Variants in DNAJC22 observed in about 807,000 individuals in gnomAD.
DNAJC22 encodes DnaJ heat shock protein family (Hsp40) member C22, also known as dnaJ homolog subfamily C member 22.
Under a neutral mutation model 22.2 loss-of-function variants are expected in DNAJC22, and 24 were observed. The ratio of observed to expected loss-of-function variants is 1.08; its 90% CI spans 0.78 to 1.52. The LOEUF (loss-of-function observed/expected upper bound fraction) is 1.52. Among genes scored for constraint, DNAJC22 ranks in the 40% most tolerant of loss-of-function variants. The pLI is 0.00. For missense variants in DNAJC22, 434 were observed against 421.7 expected, an observed-to-expected ratio of 1.03 and a Z score of -0.26; for synonymous variants, 160 against 167.4, an observed-to-expected ratio of 0.96 and a Z score of 0.34.
At position 49,349,034 on chromosome 12, in the gene DNAJC22, C is replaced by A; in HGVS notation, c.162C>A (p.Ser54Arg). The A allele has an allele frequency of 6.2e-7, 1 of 1,603,334 alleles. No individual in the cohort carries two copies. Among genetic ancestry groups the A allele is most frequent in the Non-Finnish European group, 8.5e-7 (1 of 1,175,074 alleles). The change falls in exon 3 of 4, where the codon AGC becomes AGA. Residue 54 changes from serine (S) to arginine (R), a missense_variant. By Grantham distance (110) the Ser-to-Arg change is moderately radical. Coordinates refer to ENST00000549441, the MANE Select transcript of DNAJC22 (RefSeq NM_001304944.2). ...GWLWEFWKLP[S>R]FVAQANRAQG... ...TCTGGGAGTTCTGGAAGCTCCCAAGCTTTGTAGCTCAGGCCAACAGAGCCC... is the reference window on the plus strand; with the variant it reads ...TCTGGGAGTTCTGGAAGCTCCCAAGATTTGTAGCTCAGGCCAACAGAGCCC...
rs1943737535 is a variant in DNAJC22 at position 49,349,047 on chromosome 12, G to A, written c.175G>A (p.Ala59Thr). 1 of 1,610,434 alleles carries A rather than the reference G, an allele frequency of 6.2e-7. No homozygotes were observed. Among genetic ancestry groups the A allele is most frequent in the East Asian group, 2.2e-5 (1 of 44,870 alleles). ...FWKLPSFVAQ[A>T]NRAQGQRQSP... ...GAAGCTCCCAAGCTTTGTAGCTCAGGCCAACAGAGCCCAGGGACAGAGGCA... is the reference window on the plus strand; with the variant it reads ...GAAGCTCCCAAGCTTTGTAGCTCAGACCAACAGAGCCCAGGGACAGAGGCA... The change falls in exon 3 of 4, where the codon GCC becomes ACC. Residue 59 changes from alanine to threonine, a missense_variant. Ala to Thr is a moderately conservative substitution (Grantham distance 58). Transcript: ENST00000549441.
rs138393075 is a variant in DNAJC22, at chr12:49,349,108, T to C, written c.236T>C (p.Ile79Thr). 4 of 1,614,144 alleles carry C rather than the reference T, an allele frequency of 2.5e-6. No individual in the cohort carries two copies. In the African/African-American group the frequency reaches 5.3e-5, roughly 22 times the overall value. ...GGGGTGACACCCCCTCTGAGTCCCA[T>C]TCGCTTTGCTGCCCAGGTGATAGTT... The part of the protein sequence containing the change: ...PRGVTPPLSP[I>T]RFAAQVIVGI... Residue 79 changes from isoleucine to threonine, a missense_variant, in exon 3 of 4, where the codon ATT becomes ACT. Transcript: ENST00000549441.
At chr12:49,350,208 C>T (rs1407240859) in intron 3 of DNAJC22, among the ~76,000 whole-genome samples, 3 of 151,886 alleles carry the variant, frequency 2.0e-5, no homozygotes, top group Non-Finnish European at 4.4e-5. Context: ...TCCCGAGTAG[C>T]TGGGACTACA....
chr12:49,348,815 C>T lies in DNAJC22; in HGVS notation c.-58C>T. The T allele has an allele frequency of 6.9e-7, 1 of 1,449,602 alleles. No individual in the cohort carries two copies. The highest frequency in any genetic ancestry group is 9.1e-7 in the Non-Finnish European group (1 of 1,100,658). 89.8% of individuals were successfully genotyped at this position (1,449,602 alleles called of 1,614,324 possible). On this transcript the variant is annotated 5_prime_UTR_variant, in exon 3 of 4. Coordinates refer to ENST00000549441, the MANE Select transcript of DNAJC22 (RefSeq NM_001304944.2). ...TGACAGCCATGAGTCTCACAGAGGA[C>T]CCCGAGACTTCTGTGCTGCGAGTAA... is the stretch of plus-strand genomic sequence containing the variant.
At position 49,349,025 on chromosome 12, in the gene DNAJC22, G is replaced by A. The variant is rs143506454; in HGVS notation, c.153G>A (p.Lys51=). 2.2e-3 allele frequency: 3,544 copies of A among 1,593,056 alleles called. 6 individuals are homozygous for A. Among genetic ancestry groups the A allele is most frequent in the Non-Finnish European group, 2.6e-3 (3,099 of 1,170,088 alleles). Residue 51 remains lysine (K), a synonymous_variant, in exon 3 of 4, where the codon AAG becomes AAA. Coordinates refer to ENST00000549441, the MANE Select transcript of DNAJC22 (RefSeq NM_001304944.2). ...GGLGWLWEFW[K]LPSFVAQANR... is the part of the protein sequence containing the mutation. Reference sequence around the variant, plus strand: ...TGGGCTGGCTCTGGGAGTTCTGGAAGCTCCCAAGCTTTGTAGCTCAGGCCA... The same window carrying A: ...TGGGCTGGCTCTGGGAGTTCTGGAAACTCCCAAGCTTTGTAGCTCAGGCCA...
rs1943792508 is a variant in DNAJC22 at position 49,352,106 on chromosome 12, A to G, written c.*604A>G. The G allele has an allele frequency of 6.6e-6, 1 of 152,238 alleles. No individual in the cohort carries two copies. The highest frequency in any genetic ancestry group is 2.1e-4 in the South Asian group (1 of 4,836). 9.4% of individuals were successfully genotyped at this position (152,238 alleles called of 1,614,324 possible). ...CTTTTAGAGTATGGACAACTATTAT[A>G]TATCAATAAAAAATTAATTAGAAAA... is the stretch of plus-strand genomic sequence containing the variant. On this transcript the variant is annotated 3_prime_UTR_variant, in exon 4 of 4. Transcript: ENST00000549441.
At chr12:49,348,364 A>G (rs1318587117) in intron 2 of DNAJC22, among the ~76,000 whole-genome samples, 2 of 152,220 alleles carry the variant, frequency 1.3e-5, no homozygotes, top group South Asian at 2.1e-4. Flanking sequence ...GGAAAATCTC[A>G]TGGCCTGGAG....
chr12:49,352,030 A>T lies in DNAJC22; in HGVS notation c.*528A>T, dbSNP rs1943791672. The T allele has an allele frequency of 6.6e-6, 1 of 152,172 alleles. No individual in the cohort carries two copies. Among genetic ancestry groups the T allele is most frequent in the East Asian group, 1.9e-4 (1 of 5,204 alleles). The allele number at this position is 152,172 out of a possible 1,614,324, so 9.4% of individuals were successfully genotyped here. Reference sequence around the variant, plus strand: ...ATTCTTGGCTATTGCATTCTTGACAATTTTTCTTAAAACCAGAGAGTGAAA... The same window carrying T: ...ATTCTTGGCTATTGCATTCTTGACATTTTTTCTTAAAACCAGAGAGTGAAA... On this transcript the variant is annotated 3_prime_UTR_variant, in exon 4 of 4. Transcript: ENST00000549441.
intron 2 of DNAJC22, among the ~76,000 whole-genome samples, chr12:49,348,522 C>A (rs1943728802): frequency 6.6e-6 from 1 of 152,042 alleles, no homozygotes; most frequent in Admixed American, 6.5e-5. Context: ...CTCCACACAT[C>A]CCCCCATGAG....
rs548640335 is a variant in DNAJC22, at chr12:49,348,818, C to G, written c.-55C>G. 1.1e-4 allele frequency: 156 copies of G among 1,448,908 alleles called. No individual in the cohort carries two copies. The highest frequency in any genetic ancestry group is 1.4e-4 in the Non-Finnish European group (149 of 1,100,382). 89.8% of individuals were successfully genotyped at this position (1,448,908 alleles called of 1,614,324 possible). Reference sequence around the variant, plus strand: ...CAGCCATGAGTCTCACAGAGGACCCCGAGACTTCTGTGCTGCGAGTAACCG... The same window carrying G: ...CAGCCATGAGTCTCACAGAGGACCCGGAGACTTCTGTGCTGCGAGTAACCG... On this transcript the variant is annotated 5_prime_UTR_variant, in exon 3 of 4. Transcript: ENST00000549441.
At chr12:49,351,162 G>A (rs1943779216) in intron 3 of DNAJC22, 155 bp from the exon 4 acceptor site, 4 of 1,436,096 alleles carry the variant, frequency 2.8e-6, no homozygotes, top group Middle Eastern at 2.6e-4. Context: ...ACTCTATAAG[G>A]CTGGAATTCT....
intron 3 of DNAJC22, among the ~76,000 whole-genome samples, chr12:49,350,103 G>A (rs1346821723): frequency 1.3e-5 from 2 of 150,160 alleles, no homozygotes; most frequent in Non-Finnish European, 3.0e-5. Flanking sequence ...TTGAGATGGA[G>A]TCTCGCTGTG....
chr12:49,349,752 TG>T, intron 3 of DNAJC22, 40 bp downstream of exon 3: 1 of 1,612,150 alleles, frequency 6.2e-7, no homozygotes, highest in Non-Finnish European at 8.5e-7. Context: ...GTGGCTCTGG[TG>T]GCCCTCATGT....
In DNAJC22 at chr12:49,348,094, C is replaced by G. The variant is rs1943722653; in HGVS notation, c.-119C>G. On this transcript the variant is annotated 5_prime_UTR_variant, in exon 2 of 4. Transcript: ENST00000549441. ...TGACTGGTCTGACTCGGTCTGGGAG[C>G]GGGGCACCCAGGTATGGCCACTTGA... is the stretch of plus-strand genomic sequence containing the variant. 1 of 152,286 alleles carries G rather than the reference C, an allele frequency of 6.6e-6. No homozygotes were observed. The highest frequency in any genetic ancestry group is 1.5e-5 in the Non-Finnish European group (1 of 68,100). 9.4% of individuals were successfully genotyped at this position (152,286 alleles called of 1,614,324 possible).
rs1014142435 is a variant in DNAJC22, at chr12:49,349,408, G to T, written c.536G>T (p.Ser179Ile). The change falls in exon 3 of 4, where the codon AGT (serine) becomes ATT (isoleucine). Residue 179 changes from serine to isoleucine, a missense_variant. Ser to Ile is a moderately radical substitution (Grantham distance 142). Coordinates refer to ENST00000549441, the MANE Select transcript of DNAJC22 (RefSeq NM_001304944.2). ...YKALVASEPL[S>I]VRLYRLGLAY... ...GCTTTGGTGGCATCAGAGCCGCTCA[G>T]TGTGCGGCTCTATCGTCTGGGCTTG... 6.2e-7 allele frequency: 1 copy of T among 1,611,516 alleles called. No individual in the cohort carries two copies. Among genetic ancestry groups the T allele is most frequent in the Non-Finnish European group, 8.5e-7 (1 of 1,179,074 alleles).
At position 49,352,114 on chromosome 12, in the gene DNAJC22, A is replaced by T. The variant is rs568792423; in HGVS notation, c.*612A>T. The T allele has an allele frequency of 1.2e-4, 19 of 152,344 alleles. No homozygotes were observed. Among genetic ancestry groups the T allele is most frequent in the African/African-American group, 3.6e-4 (15 of 41,590 alleles). The allele number at this position is 152,344 out of a possible 1,614,324, so 9.4% of individuals were successfully genotyped here. ...GTATGGACAACTATTATATATCAATAAAAAATTAATTAGAAAAAATATATC... is the reference window on the plus strand; with the variant it reads ...GTATGGACAACTATTATATATCAATTAAAAATTAATTAGAAAAAATATATC... On this transcript the variant is annotated 3_prime_UTR_variant, in exon 4 of 4. Coordinates refer to ENST00000549441, the MANE Select transcript of DNAJC22 (RefSeq NM_001304944.2).
Position 49,351,574 on chromosome 12 carries a change from C to A in DNAJC22, c.*72C>A. ...AACTTGTCCCAAATCTAGCTTTGCC[C>A]ACGAATGGCATCCCAACAGAGTTAA... is the stretch of plus-strand genomic sequence containing the variant. On this transcript the variant is annotated 3_prime_UTR_variant, in exon 4 of 4. Coordinates refer to ENST00000549441, the MANE Select transcript of DNAJC22 (RefSeq NM_001304944.2). 6.9e-7 allele frequency: 1 copy of A among 1,446,486 alleles called. No homozygotes were observed. Among genetic ancestry groups the A allele is most frequent in the East Asian group, 2.6e-5 (1 of 38,630 alleles). The allele number at this position is 1,446,486 out of a possible 1,614,324, so 89.6% of individuals were successfully genotyped here.
intron 3 of DNAJC22, among the ~76,000 whole-genome samples, chr12:49,350,072 C>A (rs1311848253): frequency 6.7e-6 from 1 of 149,154 alleles, no homozygotes; most frequent in African/African-American, 2.6e-5. Context: ...TTTGCTCATT[C>A]TTCTTCTTCT....
Position 49,349,105 on chromosome 12 carries a change from C to T in DNAJC22, c.233C>T (p.Pro78Leu). 1 of 1,614,168 alleles carries T rather than the reference C, an allele frequency of 6.2e-7. No individual in the cohort carries two copies. Among genetic ancestry groups the T allele is most frequent in the Non-Finnish European group, 8.5e-7 (1 of 1,180,034 alleles). ...SPRGVTPPLS[P>L]IRFAAQVIVG... ...AGAGGGGTGACACCCCCTCTGAGTC[C>T]CATTCGCTTTGCTGCCCAGGTGATA... The change falls in exon 3 of 4, where the codon CCC becomes CTC. Residue 78 changes from proline to leucine, a missense_variant. Physicochemically the swap from Pro to Leu is moderately conservative, Grantham distance 98 (BLOSUM62 -3). Transcript: ENST00000549441.
Sources: allele counts gnomAD v4.1 joint callset (sites outside exome capture counted in the v4.1 genomes callset), GRCh38; gene constraint gnomAD v4.1.1; transcripts MANE v1.5; gene names NCBI Gene and HGNC (gene_info 2026-07-23, HGNC 2026-07-21).